Variants in ST6GAL1 observed in about 807,000 individuals in gnomAD.
ST6GAL1 encodes the protein beta-galactoside alpha-2,6-sialyltransferase 1.
ST6GAL1 carries 20 observed loss-of-function variants against 38.0 expected under a neutral mutation model. The observed-to-expected ratio is 0.53, with a 90% CI of 0.37 to 0.77. The LOEUF (loss-of-function observed/expected upper bound fraction) is 0.77, where lower values mean the gene tolerates loss of function less well. ST6GAL1 is among the 30% of genes least tolerant of loss of function. The probability of loss-of-function intolerance (pLI) is 0.00; values close to 1 mark genes in which losing one functional copy is unlikely to be tolerated. For synonymous variants in ST6GAL1, 196 were observed against 188.2 expected (o/e 1.04, Z -0.34); for missense variants, 432 against 496.4 (o/e 0.87, Z 1.23).
At chr3:187,002,043 C>CTTTTTTTTTTTTTTTTTTTTTTT (rs1560158350) in intron 2 of ST6GAL1, among the ~76,000 whole-genome samples, 2 of 151,618 alleles carry the variant, frequency 1.3e-5, no homozygotes, top group African/African-American at 4.8e-5. Flanking sequence ...GCTTTGTTGC[C>CTTTTTTTTTTTTTTTTTTTTTTT]TTATATTGGT....
chr3:187,047,509 T>G (rs1718340791), intron 4 of ST6GAL1, among the ~76,000 whole-genome samples: 1 of 152,196 alleles, frequency 6.6e-6, no homozygotes, highest in Non-Finnish European at 1.5e-5. Context: ...TCTAAGCGTG[T>G]GATTGTATAA....
At chr3:186,996,486 A>G (rs980106170) in intron 2 of ST6GAL1, 1 of 152,192 alleles carries the variant, frequency 6.6e-6, no homozygotes, top group Non-Finnish European at 1.5e-5. Context: ...ATACTGTGAG[A>G]CAGGAGCTTC....
At chr3:187,058,353 G>A (rs964082858) in intron 5 of ST6GAL1, among the ~76,000 whole-genome samples, 1 of 152,160 alleles carries the variant, frequency 6.6e-6, no homozygotes, top group African/African-American at 2.4e-5. Context: ...AGTTGGAAAA[G>A]CAGAAATCAC....
chr3:187,031,635 A>G (rs903075712), intron 2 of ST6GAL1, among the ~76,000 whole-genome samples: 5 of 151,986 alleles, frequency 3.3e-5, no homozygotes, highest in Non-Finnish European at 5.9e-5. Flanking sequence ...GGTTTTCACC[A>G]TGTTGGTCAG....
intron 2 of ST6GAL1, among the ~76,000 whole-genome samples, chr3:186,982,458 A>G (rs1405437773): frequency 6.6e-6 from 1 of 152,188 alleles, no homozygotes; most frequent in Admixed American, 6.5e-5. Context: ...ATCTTCAACT[A>G]TGGGGCAGTA....
intron 1 of ST6GAL1, chr3:186,948,606 G>C (rs1579262150): frequency 6.6e-6 from 1 of 152,172 alleles, no homozygotes; most frequent in Admixed American, 6.6e-5. Context: ...AGAGACCCAG[G>C]CTATTCCATA....
At chr3:186,945,469 C>T (rs754950400) in intron 1 of ST6GAL1, among the ~76,000 whole-genome samples, 2 of 152,082 alleles carry the variant, frequency 1.3e-5, no homozygotes, top group Non-Finnish European at 2.9e-5. Context: ...TCAGGAAACC[C>T]ACTTGAGGAA....
chr3:187,033,897 A>T (rs532854363), intron 2 of ST6GAL1, among the ~76,000 whole-genome samples: 15 of 152,314 alleles, frequency 9.8e-5, no homozygotes, highest in African/African-American at 3.6e-4. Context: ...AAAGAAAAAA[A>T]TAACTAAAAT....
chr3:187,034,220 C>A (rs1414623916), intron 2 of ST6GAL1, among the ~76,000 whole-genome samples: 1 of 152,024 alleles, frequency 6.6e-6, no homozygotes, highest in African/African-American at 2.4e-5. Context: ...GAAATTGAAA[C>A]CTGAACAGAC....
At position 187,075,535 on chromosome 3, in the gene ST6GAL1, A is replaced by G. The variant is rs1462192934; in HGVS notation, c.980-27A>G. 6.2e-7 allele frequency: 1 copy of G among 1,609,460 alleles called. No individual in the cohort carries two copies. Among genetic ancestry groups the G allele is most frequent in the African/African-American group, 1.3e-5 (1 of 74,996 alleles). On this transcript the variant is annotated intron_variant, in intron 7 of 7. Coordinates refer to ENST00000169298, the MANE Select transcript of ST6GAL1 (RefSeq NM_173216.2). The surrounding 1 kb of genome is among the most constrained non-coding windows in gnomAD (Gnocchi z 4.1). The stretch of plus-strand genomic sequence containing the variant: ...GGGGTGCTGGGGTGGGTTGTCAGGC[A>G]TGACTCACCTCTGCTCCCCTCTCCA...
rs763013682 is a variant in ST6GAL1, at chr3:187,067,081, C to CTTTTTTTTTTTTT, written c.706-5754_706-5742dup. 7.5e-4 allele frequency among the ~76,000 whole-genome samples: 70 copies of CTTTTTTTTTTTTT among 93,058 alleles called. 3 individuals are homozygous for CTTTTTTTTTTTTT. Among genetic ancestry groups the CTTTTTTTTTTTTT allele is most frequent in the Non-Finnish European group, 8.7e-4 (42 of 48,472 alleles). 61.0% of individuals were successfully genotyped at this position (93,058 alleles called of 152,430 possible). On this transcript the variant is annotated intron_variant, in intron 5 of 7. Transcript: ENST00000169298. ...GCAATCTTCTTTTCTTTCTTTCTTT[C>CTTTTTTTTTTTTT]TTTTTTTTTTTTTTTTTTTTTTTTT...
intron 2 of ST6GAL1, among the ~76,000 whole-genome samples, chr3:187,024,329 G>A (rs968847175): frequency 6.6e-6 from 1 of 151,410 alleles, no homozygotes; most frequent in Non-Finnish European, 1.5e-5. Flanking sequence ...TCCTGACCTC[G>A]TGATCTGCCC....
At chr3:187,013,741 C>G (rs1438675527) in intron 2 of ST6GAL1, among the ~76,000 whole-genome samples, 1 of 152,094 alleles carries the variant, frequency 6.6e-6, no homozygotes, top group African/African-American at 2.4e-5. Context: ...TGCGCCACCA[C>G]GCCTGACTAA....
chr3:187,001,969 AAAC>A (rs1716634798), intron 2 of ST6GAL1, among the ~76,000 whole-genome samples: 1 of 151,102 alleles, frequency 6.6e-6, no homozygotes. Flanking sequence ...AAAAAAAAAA[AAAC>A]CCAAAAACAA....
chr3:186,930,760 G>C lies in ST6GAL1; in HGVS notation c.-399G>C, dbSNP rs1713711986. On this transcript the variant is annotated 5_prime_UTR_variant, in exon 1 of 8. Coordinates refer to ENST00000169298, the MANE Select transcript of ST6GAL1 (RefSeq NM_173216.2). ...TTAACAAAGGGAGCCGATACCGACCGGCGTGGGCGCGGAGCGGGCGGCCGC... is the reference window on the plus strand; with the variant it reads ...TTAACAAAGGGAGCCGATACCGACCCGCGTGGGCGCGGAGCGGGCGGCCGC... 3 of 152,442 alleles carry C rather than the reference G, an allele frequency of 2.0e-5. No homozygotes were observed. In the South Asian group the frequency reaches 6.2e-4, roughly 31 times the overall value. The allele number at this position is 152,442 out of a possible 1,614,324, so 9.4% of individuals were successfully genotyped here. A position where few individuals can be genotyped will look rare whatever the true frequency, so the allele number is the denominator to read the frequency against.
intron 2 of ST6GAL1, among the ~76,000 whole-genome samples, chr3:186,984,290 G>A (rs1715789748): frequency 6.6e-6 from 1 of 152,110 alleles, no homozygotes; most frequent in African/African-American, 2.4e-5. Flanking sequence ...TACTATCCCT[G>A]CCCCCTATTC....
At position 187,078,539 on chromosome 3, in the gene ST6GAL1, T is replaced by C. The variant is rs1719636738; in HGVS notation, c.*2736T>C. On this transcript the variant is annotated 3_prime_UTR_variant, in exon 8 of 8. Transcript: ENST00000169298. Reference sequence around the variant, plus strand: ...TATGTCAAATTTTAAAATAAATGTGTGTGTGTTTCTTTAAGCTGCTTCTCT... The same window carrying C: ...TATGTCAAATTTTAAAATAAATGTGCGTGTGTTTCTTTAAGCTGCTTCTCT... The C allele has an allele frequency of 6.6e-6, 1 of 152,228 alleles. No homozygotes were observed. The highest frequency in any genetic ancestry group is 2.4e-5 in the African/African-American group (1 of 41,454). The allele number at this position is 152,228 out of a possible 1,614,324, so 9.4% of individuals were successfully genotyped here. A position where few individuals can be genotyped will look rare whatever the true frequency, so the allele number is the denominator to read the frequency against.
chr3:187,018,873 T>C (rs1418797604), intron 2 of ST6GAL1, among the ~76,000 whole-genome samples: 1 of 152,036 alleles, frequency 6.6e-6, no homozygotes, highest in East Asian at 1.9e-4. Flanking sequence ...CAAACCAGAG[T>C]CCCTTGTCCA....
intron 1 of ST6GAL1, among the ~76,000 whole-genome samples, chr3:186,931,734 C>G (rs773191001): frequency 9.2e-5 from 14 of 152,212 alleles, no homozygotes; most frequent in Non-Finnish European, 2.9e-5. Context: ...CTCTGAGGCC[C>G]GTGTCCGTGT....
Sources: allele counts gnomAD v4.1 joint callset (sites outside exome capture counted in the v4.1 genomes callset), GRCh38; gene constraint gnomAD v4.1.1; non-coding constraint Gnocchi (gnomAD v3.1); transcripts MANE v1.5; gene names NCBI Gene and HGNC (gene_info 2026-07-23, HGNC 2026-07-21).